The following RUSC2 variants were observed in gnomAD, a reference collection of about 807,000 sequenced individuals.
RUSC2 encodes the protein RUN and SH3 domain containing 2, also known as AP-4 complex accessory subunit RUSC2.
A neutral mutation model predicts 122.2 loss-of-function variants in RUSC2; 34 were observed. The ratio of observed to expected loss-of-function variants is 0.28; its 90% CI spans 0.21 to 0.37. RUSC2 has a LOEUF of 0.37. Among genes scored for constraint, RUSC2 ranks in the 10% least tolerant of loss-of-function variants. The pLI, the probability that RUSC2 is intolerant of heterozygous loss-of-function variation, is 1.00. For missense variants in RUSC2, 1,747 were observed against 1,952.4 expected, an observed-to-expected ratio of 0.89 and a Z score of 1.98; for synonymous variants, 784 against 790.0, an observed-to-expected ratio of 0.99 and a Z score of 0.13.
chr9:35,542,197 G>A lies in RUSC2; in HGVS notation c.-92-4233G>A, dbSNP rs959104223. On this transcript the variant is annotated intron_variant, in intron 1 of 11. Coordinates refer to ENST00000361226, the MANE Select transcript of RUSC2 (RefSeq NM_014806.5). ...TCTTGGTTGTGTGGAGATCAGAAAG[G>A]AATAAGATCTTCTCTGAGATACAAA... Among the ~76,000 whole-genome samples, 4 of 152,074 alleles carry A rather than the reference G, an allele frequency of 2.6e-5. No homozygotes were observed. The East Asian group carries it at 7.7e-4, about 29-fold the overall frequency.
intron 1 of RUSC2, among the ~76,000 whole-genome samples, chr9:35,505,956 C>A (rs909769581): frequency 6.6e-6 from 1 of 152,156 alleles, no homozygotes; most frequent in Non-Finnish European, 1.5e-5. Context: ...ATTCTCAACA[C>A]TTCTATTCAA....
At chr9:35,521,633 C>T (rs1245467850) in intron 1 of RUSC2, among the ~76,000 whole-genome samples, 3 of 152,276 alleles carry the variant, frequency 2.0e-5, no homozygotes, top group Non-Finnish European at 2.9e-5. Flanking sequence ...TGGGGGTGGA[C>T]GTTTAGCTGA....
chr9:35,550,851 G>A (rs550671777), intron 2 of RUSC2, among the ~76,000 whole-genome samples: 3 of 151,710 alleles, frequency 2.0e-5, no homozygotes, highest in Non-Finnish European at 2.9e-5. Flanking sequence ...CGAGGTGCGC[G>A]GGTCACCTGA....
intron 1 of RUSC2, among the ~76,000 whole-genome samples, chr9:35,502,482 C>G (rs1225481685): frequency 6.6e-6 from 1 of 152,196 alleles, no homozygotes; most frequent in African/African-American, 2.4e-5. Context: ...GCTGTCCAGA[C>G]TTTAACCTCG....
chr9:35,553,144 C>T (rs1201206472), intron 2 of RUSC2, among the ~76,000 whole-genome samples: 2 of 152,100 alleles, frequency 1.3e-5, no homozygotes, highest in Non-Finnish European at 2.9e-5. Flanking sequence ...AGAGTAGGGT[C>T]AGTGGGGGCA....
chr9:35,497,480 T>C (rs1820741450), intron 1 of RUSC2, among the ~76,000 whole-genome samples: 3 of 152,132 alleles, frequency 2.0e-5, no homozygotes, highest in Admixed American at 2.0e-4. Context: ...TATAAGAACA[T>C]CACAATTATG....
At chr9:35,491,097 T>C (rs1238842446) in intron 1 of RUSC2, among the ~76,000 whole-genome samples, 3 of 142,524 alleles carry the variant, frequency 2.1e-5, no homozygotes, top group Non-Finnish European at 4.6e-5. Context: ...ACACAGGCCT[T>C]AAAAAAAAAA....
At position 35,541,340 on chromosome 9, in the gene RUSC2, T is replaced by C. The variant is rs371578099; in HGVS notation, c.-92-5090T>C. Among the ~76,000 whole-genome samples the C allele has an allele frequency of 6.6e-5, 10 of 151,824 alleles. No individual in the cohort carries two copies. The East Asian group carries it at 1.9e-3, about 29-fold the overall frequency. On this transcript the variant is annotated intron_variant, in intron 1 of 11. Coordinates refer to ENST00000361226, the MANE Select transcript of RUSC2 (RefSeq NM_014806.5). Reference sequence around the variant, plus strand: ...CTCACTGTTTTCTCTTCACCTTCATTAGAGGGGATGGGCCACTTGTCTTGA... The same window carrying C: ...CTCACTGTTTTCTCTTCACCTTCATCAGAGGGGATGGGCCACTTGTCTTGA...
chr9:35,530,566 C>A (rs1001915503), intron 1 of RUSC2, among the ~76,000 whole-genome samples: 1 of 152,096 alleles, frequency 6.6e-6, no homozygotes, highest in Non-Finnish European at 1.5e-5. Context: ...AGCCAAAACT[C>A]AGAGTATATT....
intron 2 of RUSC2, 76 bp from the exon 3 acceptor site, chr9:35,554,984 A>G (rs1821977433): frequency 6.4e-7 from 1 of 1,560,062 alleles, no homozygotes; most frequent in African/African-American, 1.4e-5. Flanking sequence ...CCCCTCTCCC[A>G]TCTCTGCTTC....
intron 1 of RUSC2, among the ~76,000 whole-genome samples, chr9:35,529,648 C>T (rs1430765845): frequency 1.3e-5 from 2 of 151,208 alleles, no homozygotes; most frequent in African/African-American, 4.9e-5. Context: ...TGGCACTTTG[C>T]AACCTTTACA....
At chr9:35,554,011 A>C (rs561923962) in intron 2 of RUSC2, among the ~76,000 whole-genome samples, 1 of 152,354 alleles carries the variant, frequency 6.6e-6, no homozygotes, top group East Asian at 1.9e-4. Context: ...CAAGTGCTTT[A>C]ATCTGTCTAC....
At chr9:35,504,959 T>C (rs900622666) in intron 1 of RUSC2, among the ~76,000 whole-genome samples, 21 of 152,236 alleles carry the variant, frequency 1.4e-4, no homozygotes, top group African/African-American at 4.6e-4. Flanking sequence ...TTATACAAGC[T>C]GAATAAGTTC....
chr9:35,531,109 A>T (rs906968135), intron 1 of RUSC2, among the ~76,000 whole-genome samples: 1 of 152,034 alleles, frequency 6.6e-6, no homozygotes, highest in South Asian at 2.1e-4. Context: ...AAATACAAAA[A>T]AATTAGCCGG....
At chr9:35,503,106 C>A (rs953194995) in intron 1 of RUSC2, among the ~76,000 whole-genome samples, 2 of 152,162 alleles carry the variant, frequency 1.3e-5, no homozygotes, top group East Asian at 3.9e-4. Context: ...AGGTAATACA[C>A]CCGCCTTAGC....
intron 1 of RUSC2, among the ~76,000 whole-genome samples, chr9:35,534,082 G>A (rs1488486235): frequency 6.6e-6 from 1 of 152,190 alleles, no homozygotes; most frequent in Admixed American, 6.5e-5. Flanking sequence ...TCAGCAATGT[G>A]TGAGGGTTCC....
intron 1 of RUSC2, among the ~76,000 whole-genome samples, chr9:35,509,945 T>G (rs1447111089): frequency 6.6e-6 from 1 of 152,158 alleles, no homozygotes. Context: ...AAGAGCAGAG[T>G]TCTATACCTA....
chr9:35,516,022 A>AAAAAAAAAAAAAAAG (rs1554724501), intron 1 of RUSC2, among the ~76,000 whole-genome samples: 2,299 of 126,496 alleles, frequency 0.018, 162 homozygotes, highest in Non-Finnish European at 0.022. Flanking sequence ...AAAAAAAAAA[A>AAAAAAAAAAAAAAAG]AGAGAAATGC....
chr9:35,537,756 G>A (rs1042898649), intron 1 of RUSC2, among the ~76,000 whole-genome samples: 3 of 152,214 alleles, frequency 2.0e-5, no homozygotes, highest in Admixed American at 6.5e-5. Flanking sequence ...CCAAGGGCAG[G>A]CTGTGGAGTC....
Sources: gnomAD v4.1 joint callset for allele counts (sites outside exome capture counted in the v4.1 genomes callset) on GRCh38, gnomAD v4.1.1 for gene constraint, MANE v1.5 for transcripts, NCBI Gene and HGNC (gene_info 2026-07-23, HGNC 2026-07-21) for gene names.